DSG2: variants seen among roughly 807,000 people sequenced by gnomAD.
DSG2 encodes the protein desmoglein-2.
Under a neutral mutation model 75.6 loss-of-function variants are expected in DSG2, and 45 were observed. The observed-to-expected ratio is 0.60, with a 90% CI of 0.47 to 0.76. The LOEUF (loss-of-function observed/expected upper bound fraction) is 0.76. Ranked by LOEUF, DSG2 falls within the 30% of genes least tolerant of loss-of-function variation. The pLI, the probability that DSG2 is intolerant of heterozygous loss-of-function variation, is 0.00. For synonymous variants in DSG2, 429 were observed against 483.9 expected (o/e 0.89, Z 1.49); for missense variants, 1,267 against 1,357.4 (o/e 0.93, Z 1.05).
Position 31,541,649 on chromosome 18 carries a change from T to G in DSG2, c.2001+335T>G, listed in dbSNP as rs144793584. On this transcript the variant is annotated intron_variant, in intron 13 of 14. Coordinates refer to ENST00000261590, the MANE Select transcript of DSG2 (RefSeq NM_001943.5). The stretch of plus-strand genomic sequence containing the variant: ...AGGAACTGCTTCATTTCCATTTCCC[T>G]CAATACATAGGGTTTGCAGAGGTAA... 2.7e-3 allele frequency among the ~76,000 whole-genome samples: 407 copies of G among 152,220 alleles called. 3 individuals carry two copies. The highest frequency in any genetic ancestry group is 8.9e-3 in the African/African-American group (371 of 41,536).
At chr18:31,503,870 A>T (rs1363066348) in intron 1 of DSG2, among the ~76,000 whole-genome samples, 1 of 152,126 alleles carries the variant, frequency 6.6e-6, no homozygotes, top group Non-Finnish European at 1.5e-5. Context: ...TTTAGTTCCC[A>T]AGGTCCAGGG....
At chr18:31,518,147 TA>T in intron 1 of DSG2, 91 bp from the exon 2 acceptor site, 1 of 1,037,548 alleles carries the variant, frequency 9.6e-7, no homozygotes, top group East Asian at 2.5e-5. Flanking sequence ...TTTATGTCTA[TA>T]ATATTCAATG....
Position 31,546,746 on chromosome 18 carries a change from AG to A in DSG2, c.*4del. 6.2e-7 allele frequency: 1 copy of A among 1,613,902 alleles called. No homozygotes were observed. The highest frequency in any genetic ancestry group is 1.3e-5 in the African/African-American group (1 of 75,042). On this transcript the variant is annotated 3_prime_UTR_variant, in exon 15 of 15. Coordinates refer to ENST00000261590, the MANE Select transcript of DSG2 (RefSeq NM_001943.5). ...CTGTACAGCATTCTTACTCCTAAAC[AG>A]CAGTCAGCCACAAACTGACCCAGAG...
At chr18:31,503,533 A>G (rs2073024518) in intron 1 of DSG2, among the ~76,000 whole-genome samples, 1 of 152,250 alleles carries the variant, frequency 6.6e-6, no homozygotes, top group Non-Finnish European at 1.5e-5. Context: ...AGAAGCCCAG[A>G]AAAGCTACTT....
At chr18:31,503,828 G>T (rs2144287295) in intron 1 of DSG2, among the ~76,000 whole-genome samples, 1 of 152,222 alleles carries the variant, frequency 6.6e-6, no homozygotes, top group South Asian at 2.1e-4. Flanking sequence ...AAGGCATTTT[G>T]GTTGTCACAG....
intron 11 of DSG2, 134 bp from the exon 12 acceptor site, chr18:31,538,617 A>G (rs1598821229): frequency 4.9e-6 from 4 of 815,254 alleles, no homozygotes; most frequent in Admixed American, 2.0e-5. Flanking sequence ...GCACACTTCA[A>G]TAAGTGAAGG....
At chr18:31,501,719 C>T (rs1032554308) in intron 1 of DSG2, among the ~76,000 whole-genome samples, 6 of 152,194 alleles carry the variant, frequency 3.9e-5, no homozygotes, top group Non-Finnish European at 5.9e-5. Flanking sequence ...TTTATAAGAA[C>T]ATCGGTTGTA....
Position 31,502,531 on chromosome 18 carries a change from C to G in DSG2, c.45+4235C>G, listed in dbSNP as rs532900178. 4.1e-3 allele frequency among the ~76,000 whole-genome samples: 617 copies of G among 152,308 alleles called. 5 individuals are homozygous for G. Among genetic ancestry groups the G allele is most frequent in the African/African-American group, 0.014 (602 of 41,566 alleles). ...TTGGGAGGCCAAGGTGGGCGGATCA[C>G]CTGAGGTCAGGAGTTTGAGACCAGC... On this transcript the variant is annotated intron_variant, in intron 1 of 14. Coordinates refer to ENST00000261590, the MANE Select transcript of DSG2 (RefSeq NM_001943.5).
chr18:31,507,682 T>C (rs1273108974), intron 1 of DSG2, among the ~76,000 whole-genome samples: 1 of 152,232 alleles, frequency 6.6e-6, no homozygotes, highest in Non-Finnish European at 1.5e-5. Context: ...TGACCAGTGA[T>C]GATGAGCTTT....
intron 8 of DSG2, among the ~76,000 whole-genome samples, chr18:31,525,536 G>A (rs61509529): frequency 0.03 from 4,515 of 149,768 alleles, 177 homozygotes; most frequent in African/African-American, 0.092. Flanking sequence ...AAAAAACCCC[G>A]AAACAAAACC....
In DSG2 at chr18:31,500,220, ACTAC is replaced by A. The variant is rs756536409; in HGVS notation, c.45+1928_45+1931del. 7.1e-4 allele frequency among the ~76,000 whole-genome samples: 108 copies of A among 152,168 alleles called. 4 individuals carry two copies. The highest frequency in any genetic ancestry group is 8.3e-4 in the South Asian group (4 of 4,828). ...AGGTTTATTTCGGGGCACTAAACTG[ACTAC>A]CTAAGTGTAGGAAGGATTGAGAAGA... On this transcript the variant is annotated intron_variant, in intron 1 of 14. Transcript: ENST00000261590.
At chr18:31,517,373 G>C (rs761254517) in intron 1 of DSG2, among the ~76,000 whole-genome samples, 4 of 152,142 alleles carry the variant, frequency 2.6e-5, no homozygotes, top group African/African-American at 4.8e-5. Flanking sequence ...TAGTTCGATA[G>C]ATCAGCAGGG....
At chr18:31,539,092 G>C (rs1243776467) in intron 12 of DSG2, 114 bp downstream of exon 12, 2 of 1,000,254 alleles carry the variant, frequency 2.0e-6, no homozygotes, top group Non-Finnish European at 1.6e-6. Flanking sequence ...CCACACTAGA[G>C]CACTTTGAGG....
chr18:31,518,194 A>C, intron 1 of DSG2, 45 bp from the exon 2 acceptor site: 1 of 1,464,952 alleles, frequency 6.8e-7, no homozygotes, highest in Non-Finnish European at 9.6e-7. Flanking sequence ...TTCACACTGA[A>C]TTGAGCAGTA....
At chr18:31,545,594 A>G (rs1020407419) in intron 14 of DSG2, 127 bp from the exon 15 acceptor site, 11 of 1,151,550 alleles carry the variant, frequency 9.6e-6, no homozygotes, top group African/African-American at 9.2e-5. Context: ...TGTTTCCCTG[A>G]TGGTTCCTTG....
chr18:31,523,953 G>A (rs531623458), intron 6 of DSG2, among the ~76,000 whole-genome samples: 1 of 152,272 alleles, frequency 6.6e-6, no homozygotes, highest in Admixed American at 6.5e-5. Context: ...CATAGTAAGG[G>A]GACCTCATGG....
At chr18:31,534,330 G>A (rs1425355369) in intron 9 of DSG2, among the ~76,000 whole-genome samples, 2 of 151,928 alleles carry the variant, frequency 1.3e-5, no homozygotes, top group Admixed American at 1.3e-4. Flanking sequence ...CATTTGCCTT[G>A]CTCTCCCAGC....
rs2072993372 is a variant in DSG2, at chr18:31,498,216, A to G, written c.-36A>G. The G allele has an allele frequency of 8.0e-7, 1 of 1,242,300 alleles. No homozygotes were observed. The highest frequency in any genetic ancestry group is 4.3e-5 in the Admixed American group (1 of 23,456). 77.0% of individuals were successfully genotyped at this position (1,242,300 alleles called of 1,614,324 possible). ...GCGCTCGGGGCAGGCGGCGGCGCGG[A>G]GCGGTGCGGCGGCGGGAGGCGGAGG... On this transcript the variant is annotated 5_prime_UTR_variant, in exon 1 of 15. Transcript: ENST00000261590.
At chr18:31,541,592 G>C (rs144689940) in intron 13 of DSG2, among the ~76,000 whole-genome samples, 10 of 152,268 alleles carry the variant, frequency 6.6e-5, no homozygotes, top group African/African-American at 2.4e-4. Context: ...TAAGTCTTTT[G>C]TCCTAACATT....
Sources: allele counts gnomAD v4.1 joint callset (sites outside exome capture counted in the v4.1 genomes callset), GRCh38; gene constraint gnomAD v4.1.1; transcripts MANE v1.5; gene names NCBI Gene and HGNC (gene_info 2026-07-23, HGNC 2026-07-21).